The following CAMTA1 variants were observed in gnomAD, a reference collection of about 807,000 sequenced individuals.
The protein encoded by CAMTA1 is calmodulin binding transcription activator 1, also known as calmodulin-binding transcription activator 1.
CAMTA1 carries 27 observed loss-of-function variants against 170.9 expected under a neutral mutation model. The observed-to-expected ratio is 0.16, with a 90% CI of 0.12 to 0.22. The LOEUF is 0.22. Among genes scored for constraint, CAMTA1 ranks in the 10% least tolerant of loss-of-function variants. The pLI is 1.00. For missense variants in CAMTA1, 1,619 were observed against 2,217.2 expected (o/e 0.73, Z 5.42); for synonymous variants, 833 against 891.5 (o/e 0.93, Z 1.17).
chr1:7,104,247 A>T (rs370831750), intron 4 of CAMTA1, among the ~76,000 whole-genome samples: 1 of 88,990 alleles, frequency 1.1e-5, no homozygotes, highest in African/African-American at 4.0e-5. Context: ...TGTACACACA[A>T]CACACATACA....
chr1:6,789,328 G>C (rs1640351281), intron 1 of CAMTA1, among the ~76,000 whole-genome samples: 2 of 152,138 alleles, frequency 1.3e-5, no homozygotes. Context: ...CTATTCTTTA[G>C]AGAGTAGTGT....
intron 6 of CAMTA1, among the ~76,000 whole-genome samples, chr1:7,576,400 A>G (rs1290477156): frequency 6.6e-6 from 1 of 152,206 alleles, no homozygotes; most frequent in Non-Finnish European, 1.5e-5. Flanking sequence ...TGATGGTATT[A>G]GGAAGTGGGG....
chr1:7,688,011 CTTTTTT>C (rs70987364), intron 11 of CAMTA1, among the ~76,000 whole-genome samples: 2 of 103,278 alleles, frequency 1.9e-5, no homozygotes, highest in African/African-American at 3.7e-5. Context: ...CTCATTATTC[CTTTTTT>C]TTTTTTTTTT....
At chr1:7,698,377 C>CA (rs1576979077) in intron 11 of CAMTA1, 5 of 152,246 alleles carry the variant, frequency 3.3e-5, no homozygotes, top group Admixed American at 3.3e-4. Context: ...GCATGCAGCC[C>CA]ACTGACTGCG....
chr1:7,480,331 G>C (rs1268223555), intron 6 of CAMTA1, among the ~76,000 whole-genome samples: 1 of 150,060 alleles, frequency 6.7e-6, no homozygotes, highest in Admixed American at 6.6e-5. Context: ...GTGTGTATGA[G>C]TGCATGTATA....
rs534015565 is a variant in CAMTA1, at chr1:7,634,177, G to A, written c.511-6223G>A. ...GCAGACGTGAGGACACCCGGGAGGAGGGCACACTCCCACGTGCGCAGGAGA... is the reference window on the plus strand; with the variant it reads ...GCAGACGTGAGGACACCCGGGAGGAAGGCACACTCCCACGTGCGCAGGAGA... On this transcript the variant is annotated intron_variant, in intron 6 of 22. Coordinates refer to ENST00000303635, the MANE Select transcript of CAMTA1 (RefSeq NM_015215.4). This position sits in a 1 kb window ranked among gnomAD's most constrained non-coding sequence, Gnocchi z 6.2. Among the ~76,000 whole-genome samples the A allele has an allele frequency of 6.6e-6, 1 of 152,204 alleles. No individual in the cohort carries two copies. The highest frequency in any genetic ancestry group is 1.5e-5 in the Non-Finnish European group (1 of 68,046).
intron 5 of CAMTA1, among the ~76,000 whole-genome samples, chr1:7,460,648 T>A (rs1342391743): frequency 6.7e-6 from 1 of 148,544 alleles, no homozygotes; most frequent in Non-Finnish European, 1.5e-5. Context: ...TCCTGTCCCC[T>A]CATTGCTTGA....
intron 4 of CAMTA1, among the ~76,000 whole-genome samples, chr1:7,148,446 G>T (rs558349857): frequency 2.8e-5 from 4 of 140,560 alleles, no homozygotes; most frequent in African/African-American, 1.0e-4. Flanking sequence ...CACGCTCCCC[G>T]CCATGCTCCT....
intron 1 of CAMTA1, among the ~76,000 whole-genome samples, chr1:6,808,400 A>G (rs1050669152): frequency 2.0e-5 from 3 of 152,096 alleles, no homozygotes; most frequent in Non-Finnish European, 4.4e-5. Context: ...TAGGCCTCCC[A>G]CATTGCTGTT....
intron 5 of CAMTA1, among the ~76,000 whole-genome samples, chr1:7,341,258 G>A (rs1438441807): frequency 6.6e-6 from 1 of 152,208 alleles, no homozygotes; most frequent in Non-Finnish European, 1.5e-5. Context: ...TCCCAGGCAT[G>A]TGGGGACCAT....
At chr1:7,737,043 G>T in intron 14 of CAMTA1, 34 bp downstream of exon 14, 3 of 1,528,968 alleles carry the variant, frequency 2.0e-6, no homozygotes, top group Non-Finnish European at 2.7e-6. Flanking sequence ...CCCCCTTGCT[G>T]TTCTTCCAGT....
intron 3 of CAMTA1, chr1:6,852,930 T>A (rs1450149217): frequency 6.6e-6 from 1 of 152,136 alleles, no homozygotes; most frequent in Non-Finnish European, 1.5e-5. Context: ...CCAGTCGCCA[T>A]TCTCCCGAGA....
At chr1:7,178,892 A>G (rs1476211593) in intron 4 of CAMTA1, among the ~76,000 whole-genome samples, 1 of 152,232 alleles carries the variant, frequency 6.6e-6, no homozygotes, top group African/African-American at 2.4e-5. Context: ...ACACGATTGG[A>G]TTGGAAGCAT....
intron 5 of CAMTA1, among the ~76,000 whole-genome samples, chr1:7,369,875 C>T (rs967309290): frequency 2.0e-5 from 3 of 152,230 alleles, no homozygotes; most frequent in Non-Finnish European, 4.4e-5. Context: ...CAGCCCAGAC[C>T]TCTCTGTGGG....
intron 5 of CAMTA1, among the ~76,000 whole-genome samples, chr1:7,371,670 T>C (rs2086483647): frequency 6.6e-6 from 1 of 152,366 alleles, no homozygotes; most frequent in Middle Eastern, 3.4e-3. Flanking sequence ...TTCTCAGGAA[T>C]GGCCCGGCCT....
At chr1:7,198,871 C>T (rs1656081697) in intron 4 of CAMTA1, among the ~76,000 whole-genome samples, 1 of 152,158 alleles carries the variant, frequency 6.6e-6, no homozygotes, top group African/African-American at 2.4e-5. Context: ...GCAGGGAGCC[C>T]CGCGGGCAAC....
chr1:7,351,814 G>A (rs1391653908), intron 5 of CAMTA1, among the ~76,000 whole-genome samples: 1 of 152,192 alleles, frequency 6.6e-6, no homozygotes, highest in African/African-American at 2.4e-5. Context: ...TATGATTACA[G>A]TATATTATGT....
At chr1:7,735,797 G>A (rs1260847070) in intron 12 of CAMTA1, among the ~76,000 whole-genome samples, 5 of 151,988 alleles carry the variant, frequency 3.3e-5, no homozygotes, top group Non-Finnish European at 7.4e-5. Flanking sequence ...TTTGAGACAA[G>A]GTCTTGCTCT....
In CAMTA1 at chr1:7,050,209, G is replaced by A. The variant is rs1208734257; in HGVS notation, c.235-41095G>A. Among the ~76,000 whole-genome samples, 2 of 152,168 alleles carry A rather than the reference G, an allele frequency of 1.3e-5. No homozygotes were observed. Among genetic ancestry groups the A allele is most frequent in the South Asian group, 2.1e-4 (1 of 4,826 alleles). On this transcript the variant is annotated intron_variant, in intron 3 of 22. Coordinates refer to ENST00000303635, the MANE Select transcript of CAMTA1 (RefSeq NM_015215.4). This position sits in a 1 kb window ranked among gnomAD's most constrained non-coding sequence, Gnocchi z 4.8. ...ACGGAGGACTCAGGCGGCTGTTCCC[G>A]GCCTGCACCCTGGTCCTCCATGGTG... is the stretch of plus-strand genomic sequence containing the variant.
Sources: gnomAD v4.1 joint callset for allele counts (sites outside exome capture counted in the v4.1 genomes callset) on GRCh38, gnomAD v4.1.1 for gene constraint, Gnocchi (gnomAD v3.1) non-coding constraint, MANE v1.5 for transcripts, NCBI Gene and HGNC (gene_info 2026-07-23, HGNC 2026-07-21) for gene names.